The following DNAH7 variants were observed in gnomAD, a reference collection of about 807,000 sequenced individuals.
DNAH7 encodes axonemal beta dynein heavy chain 7.
Under a neutral mutation model 444.6 loss-of-function variants are expected in DNAH7, and 397 were observed. That is an observed-to-expected ratio of 0.89 (90% CI 0.82 to 0.97). The LOEUF (loss-of-function observed/expected upper bound fraction) is 0.97, where lower values mean the gene tolerates loss of function less well. Among genes scored for constraint, DNAH7 ranks in the 50% least tolerant of loss-of-function variants. DNAH7 has a pLI of 0.00. For synonymous variants in DNAH7, 1,636 were observed against 1,624.4 expected (o/e 1.01, Z -0.17); for missense variants, 4,902 against 4,800.8 (o/e 1.02, Z -0.62).
At chr2:195,908,800 A>C (rs1288983401) in intron 25 of DNAH7, among the ~76,000 whole-genome samples, 2 of 152,090 alleles carry the variant, frequency 1.3e-5, no homozygotes, top group Non-Finnish European at 1.5e-5. Context: ...ATGTTTTCAT[A>C]TTTTATTAAT....
intron 46 of DNAH7, among the ~76,000 whole-genome samples, chr2:195,847,472 T>C (rs756300251): frequency 2.6e-5 from 4 of 151,298 alleles, no homozygotes; most frequent in African/African-American, 9.7e-5. Context: ...AAGGGAGCAA[T>C]AGACACTGGG....
chr2:195,891,558 T>C (rs1247938061), intron 31 of DNAH7, 97 bp downstream of exon 31: 26 of 1,073,528 alleles, frequency 2.4e-5, no homozygotes, highest in East Asian at 2.3e-4. Context: ...TCTTAATCTA[T>C]AGATACAATT....
chr2:195,856,902 C>G (rs996732077), intron 44 of DNAH7, among the ~76,000 whole-genome samples: 2 of 151,962 alleles, frequency 1.3e-5, no homozygotes, highest in African/African-American at 4.8e-5. Flanking sequence ...TGGTGTCTGG[C>G]TATCTCACAT....
chr2:195,844,101 A>C (rs1172574084), intron 47 of DNAH7, among the ~76,000 whole-genome samples: 2 of 105,972 alleles, frequency 1.9e-5, no homozygotes, highest in African/African-American at 5.1e-5. Flanking sequence ...GTCTCAAAAA[A>C]AAACAAAAAA....
At chr2:196,046,196 C>G (rs1017772711) in intron 5 of DNAH7, among the ~76,000 whole-genome samples, 11 of 152,274 alleles carry the variant, frequency 7.2e-5, no homozygotes, top group African/African-American at 2.6e-4. Context: ...AGTAGACAGG[C>G]ATGGCCATCC....
At chr2:195,756,945 T>C (rs908125801) in intron 61 of DNAH7, among the ~76,000 whole-genome samples, 12 of 151,926 alleles carry the variant, frequency 7.9e-5, no homozygotes, top group Middle Eastern at 3.4e-3. Flanking sequence ...TGAGCCAAGA[T>C]TGTGCCACTG....
At chr2:195,848,704 T>C (rs1166653618) in intron 46 of DNAH7, among the ~76,000 whole-genome samples, 1 of 152,152 alleles carries the variant, frequency 6.6e-6, no homozygotes, top group Non-Finnish European at 1.5e-5. Flanking sequence ...ATATGGTAAA[T>C]GGGATGGAAT....
chr2:195,963,026 A>G (rs1035786686), intron 17 of DNAH7, among the ~76,000 whole-genome samples: 1 of 152,204 alleles, frequency 6.6e-6, no homozygotes, highest in African/African-American at 2.4e-5. Context: ...CTTGCTGGAC[A>G]CTTAGGCTTC....
intron 12 of DNAH7, chr2:195,994,777 T>A: frequency 1.3e-5 from 6 of 470,958 alleles, no homozygotes; most frequent in South Asian, 8.8e-5. Flanking sequence ...ATTCTCTGAA[T>A]CTGCGGTTAA....
intron 45 of DNAH7, 43 bp downstream of exon 45, chr2:195,855,768 G>A (rs1439781049): frequency 1.9e-5 from 31 of 1,591,736 alleles, no homozygotes; most frequent in East Asian, 4.5e-5. Context: ...TCTTAGTTAC[G>A]ATAACTGAGA....
In DNAH7 at chr2:195,796,619, T is replaced by C; in HGVS notation, c.10472A>G (p.His3491Arg). The change falls in exon 56 of 65, where the codon CAC becomes CGC. Residue 3491 changes from histidine (H) to arginine (R), a missense_variant. Physicochemically the swap from His to Arg is conservative, Grantham distance 29 (BLOSUM62 0). Transcript: ENST00000312428. ...EGTWVVLQNCHLATSWMPTLE... is the reference protein window; with the variant it reads ...EGTWVVLQNCRLATSWMPTLE... ...GGTTGGCATCCAAGAGGTGGCAAGG[T>C]GACAATTCTGAAGAACAACCCATGT... is the stretch of plus-strand genomic sequence containing the variant. The C allele has an allele frequency of 1.9e-6, 3 of 1,614,166 alleles. No individual in the cohort carries two copies. Among genetic ancestry groups the C allele is most frequent in the Non-Finnish European group, 1.7e-6 (2 of 1,180,006 alleles).
chr2:196,024,173 C>T (rs1432273791), intron 8 of DNAH7, among the ~76,000 whole-genome samples: 1 of 152,102 alleles, frequency 6.6e-6, no homozygotes, highest in Non-Finnish European at 1.5e-5. Context: ...ATGATGCCAA[C>T]AGACTTGCTT....
chr2:196,041,205 T>C (rs754111239), intron 5 of DNAH7, among the ~76,000 whole-genome samples: 2 of 151,960 alleles, frequency 1.3e-5, no homozygotes, highest in Non-Finnish European at 2.9e-5. Flanking sequence ...AAAACAATCC[T>C]AAAATTTATA....
intron 10 of DNAH7, among the ~76,000 whole-genome samples, chr2:196,008,280 A>T (rs769799910): frequency 2.6e-5 from 4 of 152,024 alleles, no homozygotes; most frequent in Non-Finnish European, 5.9e-5. Flanking sequence ...AAGATGGACA[A>T]TAACAAGTGC....
At chr2:196,022,465 G>A (rs552272016) in intron 8 of DNAH7, among the ~76,000 whole-genome samples, 26 of 152,274 alleles carry the variant, frequency 1.7e-4, no homozygotes, top group East Asian at 3.9e-4. Flanking sequence ...ATCCTTTGTT[G>A]TCATTTCAGT....
chr2:195,901,262 C>T (rs2125267100), intron 27 of DNAH7: 1 of 152,056 alleles, frequency 6.6e-6, no homozygotes, highest in South Asian at 2.1e-4. Flanking sequence ...TCACATTGTA[C>T]ACCTTAAATA....
intron 12 of DNAH7, among the ~76,000 whole-genome samples, chr2:195,995,909 T>C (rs749972373): frequency 1.6e-4 from 24 of 152,236 alleles, no homozygotes; most frequent in Non-Finnish European, 3.5e-4. Context: ...TTTAAGATTC[T>C]TTTTTCTGCT....
intron 61 of DNAH7, among the ~76,000 whole-genome samples, chr2:195,770,672 T>C (rs1694791938): frequency 1.3e-5 from 2 of 152,106 alleles, no homozygotes; most frequent in Non-Finnish European, 2.9e-5. Flanking sequence ...TACTCCCTAA[T>C]CTTGTTTAAT....
chr2:195,915,243 AG>A (rs1687602716), intron 24 of DNAH7, among the ~76,000 whole-genome samples: 1 of 152,214 alleles, frequency 6.6e-6, no homozygotes, highest in Non-Finnish European at 1.5e-5. Context: ...TTCGTAATGT[AG>A]GGAATGTCAG....
Sources: gnomAD v4.1 joint callset for allele counts (sites outside exome capture counted in the v4.1 genomes callset) on GRCh38, gnomAD v4.1.1 for gene constraint, MANE v1.5 for transcripts, NCBI Gene and HGNC (gene_info 2026-07-23, HGNC 2026-07-21) for gene names.